PDGFRB: variants seen among roughly 807,000 people sequenced by gnomAD.
PDGFRB encodes platelet-derived growth factor receptor beta.
PDGFRB carries 42 observed loss-of-function variants against 120.2 expected under a neutral mutation model. The observed-to-expected ratio is 0.35, with a 90% CI of 0.27 to 0.45. The LOEUF (loss-of-function observed/expected upper bound fraction) is 0.45. Among genes scored for constraint, PDGFRB ranks in the 20% least tolerant of loss-of-function variants. The probability of loss-of-function intolerance (pLI) is 1.00; values close to 1 mark genes in which losing one functional copy is unlikely to be tolerated. For missense variants in PDGFRB, 1,149 were observed against 1,476.3 expected (o/e 0.78, Z 3.63); for synonymous variants, 586 against 606.8 (o/e 0.97, Z 0.50).
intron 12 of PDGFRB, 151 bp downstream of exon 12, chr5:150,125,294 T>C (rs898639194): frequency 2.1e-5 from 13 of 613,118 alleles, no homozygotes; most frequent in Admixed American, 2.9e-5. Context: ...CTTGCTCTCA[T>C]TGTACATAGT....
chr5:150,145,732 T>TA (rs953955025), intron 1 of PDGFRB, among the ~76,000 whole-genome samples: 8 of 149,900 alleles, frequency 5.3e-5, no homozygotes, highest in South Asian at 2.1e-4. Context: ...CAAGCTCAAA[T>TA]AAAAAAAAAT....
intron 21 of PDGFRB, among the ~76,000 whole-genome samples, chr5:150,118,250 T>C (rs1050504488): frequency 2.0e-5 from 3 of 151,942 alleles, no homozygotes; most frequent in Non-Finnish European, 2.9e-5. Flanking sequence ...GGGTGAGAAA[T>C]GGACCCAAAG....
rs758430950 is a variant in PDGFRB at position 150,120,007 on chromosome 5, C to G, written c.2698+5G>C. ...GCTGAGGGCTGGAGGAGGAAGCAAG[C>G]ATACCCAAGGTGAAGATCTCCCAGA... On this transcript the variant is annotated splice_donor_5th_base_variant and intron_variant, in intron 19 of 22. Coordinates refer to ENST00000261799, the MANE Select transcript of PDGFRB (RefSeq NM_002609.4). The surrounding 1 kb of genome is among the most constrained non-coding windows in gnomAD (Gnocchi z 4.3). 7.0e-7 allele frequency: 1 copy of G among 1,423,088 alleles called. No individual in the cohort carries two copies. Among genetic ancestry groups the G allele is most frequent in the Non-Finnish European group, 9.9e-7 (1 of 1,005,360 alleles). 88.2% of individuals were successfully genotyped at this position (1,423,088 alleles called of 1,614,324 possible). A position where few individuals can be genotyped will look rare whatever the true frequency, so the allele number is the denominator to read the frequency against.
At chr5:150,153,000 T>G (rs1361866742) in intron 1 of PDGFRB, among the ~76,000 whole-genome samples, 1 of 152,146 alleles carries the variant, frequency 6.6e-6, no homozygotes, top group African/African-American at 2.4e-5. Context: ...GGTCAATGCA[T>G]AGTCATCTGA....
chr5:150,143,907 G>C (rs1161425793), intron 1 of PDGFRB, among the ~76,000 whole-genome samples: 1 of 152,092 alleles, frequency 6.6e-6, no homozygotes, highest in African/African-American at 2.4e-5. Flanking sequence ...TACAGAAAGA[G>C]AGCAGCCCGG....
intron 1 of PDGFRB, among the ~76,000 whole-genome samples, chr5:150,148,853 T>C (rs1760996961): frequency 6.6e-6 from 1 of 152,214 alleles, no homozygotes; most frequent in African/African-American, 2.4e-5. Context: ...CTTGAGTTTT[T>C]TGGCAGATGA....
chr5:150,147,566 T>C (rs1760959664), intron 1 of PDGFRB, among the ~76,000 whole-genome samples: 1 of 152,046 alleles, frequency 6.6e-6, no homozygotes, highest in Non-Finnish European at 1.5e-5. Flanking sequence ...GGCCTGCAAA[T>C]AGGGGAGGGG....
chr5:150,120,122 G>T lies in PDGFRB; in HGVS notation c.2588C>A (p.Thr863Asn), dbSNP rs750896639. Reference protein sequence around the residue: ...RDSNYISKGSTFLPLKWMAPE... With the variant: ...RDSNYISKGSNFLPLKWMAPE... The stretch of plus-strand genomic sequence containing the variant: ...AGCCATCCACTTTAAAGGCAAAAAG[G>T]TCTGTAGGGAGGTCAGGACAGGTGC... The change falls in exon 19 of 23, where the codon ACC becomes AAC. Residue 863 changes from threonine to asparagine, a missense_variant and splice_region_variant. Physicochemically the swap from Thr to Asn is moderately conservative, Grantham distance 65 (BLOSUM62 0). Transcript: ENST00000261799. This position sits in a 1 kb window ranked among gnomAD's most constrained non-coding sequence, Gnocchi z 4.3. 1.5e-5 allele frequency: 22 copies of T among 1,452,644 alleles called. No homozygotes were observed. The Admixed American group carries it at 3.3e-4, about 22-fold the overall frequency. The allele number at this position is 1,452,644 out of a possible 1,614,324, so 90.0% of individuals were successfully genotyped here. A position where few individuals can be genotyped will look rare whatever the true frequency, so the allele number is the denominator to read the frequency against.
Position 150,120,466 on chromosome 5 carries a change from T to A in PDGFRB, c.2587-343A>T, listed in dbSNP as rs1181175247. On this transcript the variant is annotated intron_variant, in intron 18 of 22. Coordinates refer to ENST00000261799, the MANE Select transcript of PDGFRB (RefSeq NM_002609.4). The surrounding 1 kb of genome is among the most constrained non-coding windows in gnomAD (Gnocchi z 4.3). ...CTTTGATCTCTGGGCCTAGCGTCCC[T>A]CCATCTGGGGTTTGCGGAAAAGTGG... Among the ~76,000 whole-genome samples, 1 of 152,152 alleles carries A rather than the reference T, an allele frequency of 6.6e-6. No homozygotes were observed. Among genetic ancestry groups the A allele is most frequent in the Non-Finnish European group, 1.5e-5 (1 of 68,018 alleles).
rs746972253 is a variant in PDGFRB at position 150,130,666 on chromosome 5, C to CA, written c.1244-5dup. 9.3e-6 allele frequency: 15 copies of CA among 1,612,808 alleles called. No homozygotes were observed. The highest frequency in any genetic ancestry group is 1.3e-5 in the Non-Finnish European group (15 of 1,179,756). ...AGCTCCAGCACTCGGACAGGGACTG[C>CA]ATGGAGAGAGCACTGAGTTAGGAGG... On this transcript the variant is annotated splice_region_variant and splice_polypyrimidine_tract_variant and intron_variant, in intron 8 of 22. Coordinates refer to ENST00000261799, the MANE Select transcript of PDGFRB (RefSeq NM_002609.4).
intron 1 of PDGFRB, among the ~76,000 whole-genome samples, chr5:150,137,755 C>A (rs147157971): frequency 6.6e-6 from 1 of 152,192 alleles, no homozygotes; most frequent in Non-Finnish European, 1.5e-5. Flanking sequence ...AGGCTCCCCC[C>A]ACCCCCACCC....
intron 10 of PDGFRB, among the ~76,000 whole-genome samples, chr5:150,128,912 C>T (rs3816018): frequency 0.51 from 78,117 of 151,992 alleles, 20,673 homozygotes; most frequent in South Asian, 0.63. Flanking sequence ...TCATATTTAT[C>T]GAATGAAGAA....
intron 1 of PDGFRB, among the ~76,000 whole-genome samples, chr5:150,146,101 C>G (rs1760914045): frequency 1.3e-5 from 2 of 152,180 alleles, no homozygotes; most frequent in African/African-American, 4.8e-5. Context: ...CCTCCCATGA[C>G]AGGGCTCTCA....
At chr5:150,143,203 T>C (rs1760828011) in intron 1 of PDGFRB, among the ~76,000 whole-genome samples, 2 of 152,252 alleles carry the variant, frequency 1.3e-5, no homozygotes, top group Admixed American at 1.3e-4. Flanking sequence ...TTGTAAGTTG[T>C]TTATTTCTGG....
In PDGFRB at chr5:150,117,846, T is replaced by C. The variant is rs150600919; in HGVS notation, c.2909A>G (p.Tyr970Cys). Residue 970 changes from tyrosine (Y) to cysteine (C), a missense_variant, in exon 22 of 23, where the codon TAC (tyrosine) becomes TGC (cysteine). Coordinates refer to ENST00000261799, the MANE Select transcript of PDGFRB (RefSeq NM_002609.4). ...RLLGEGYKKK[Y>C]QQVDEEFLRS... is the part of the protein sequence containing the mutation. ...CAGAAACTCCTCATCCACCTGCTGG[T>C]ACTTCTGCTCCCGGGGCAGGGAGAA... 2 of 1,595,450 alleles carry C rather than the reference T, an allele frequency of 1.3e-6. No individual in the cohort carries two copies. Among genetic ancestry groups the C allele is most frequent in the Non-Finnish European group, 1.7e-6 (2 of 1,164,630 alleles).
chr5:150,123,354 C>T (rs1258987006), intron 14 of PDGFRB, among the ~76,000 whole-genome samples, 153 bp from the exon 15 acceptor site: 1 of 152,170 alleles, frequency 6.6e-6, no homozygotes, highest in African/African-American at 2.4e-5. Context: ...CTTTTCCTGC[C>T]TCTGTGGTGG....
At chr5:150,126,289 A>G (rs1227990954) in intron 11 of PDGFRB, among the ~76,000 whole-genome samples, 2 of 152,116 alleles carry the variant, frequency 1.3e-5, no homozygotes, top group Admixed American at 6.5e-5. Flanking sequence ...CGGGGACTTA[A>G]TGACACAGTA....
intron 10 of PDGFRB, among the ~76,000 whole-genome samples, chr5:150,127,316 G>C (rs991606950): frequency 6.6e-6 from 1 of 152,068 alleles, no homozygotes; most frequent in Non-Finnish European, 1.5e-5. Flanking sequence ...CGCCAGACCT[G>C]CCTCTCCCCT....
rs56078873 is a variant in PDGFRB at position 150,125,491 on chromosome 5, C to T, written c.1761G>A (p.Leu587=). ...GCAGCTCCCACGTGGAGTCATAGGG[C>T]AGCTGCATGGGGTCCACGTAGATGT... ...HEYIYVDPMQ[L]PYDSTWELPR... Residue 587 remains leucine, a synonymous_variant, in exon 12 of 23, where the codon CTG becomes CTA. Coordinates refer to ENST00000261799, the MANE Select transcript of PDGFRB (RefSeq NM_002609.4). 2,781 of 1,613,466 alleles carry T rather than the reference C, an allele frequency of 1.7e-3. 30 individuals are homozygous for T. In the African/African-American group the frequency reaches 0.029, roughly 17 times the overall value.
Sources: gnomAD v4.1 joint callset for allele counts (sites outside exome capture counted in the v4.1 genomes callset) on GRCh38, gnomAD v4.1.1 for gene constraint, Gnocchi (gnomAD v3.1) non-coding constraint, MANE v1.5 for transcripts, NCBI Gene and HGNC (gene_info 2026-07-23, HGNC 2026-07-21) for gene names.